The following MTDH variants were observed in gnomAD, a reference collection of about 807,000 sequenced individuals.
The protein encoded by MTDH is protein LYRIC.
Under a neutral mutation model 72.7 loss-of-function variants are expected in MTDH, and 34 were observed. The observed-to-expected ratio is 0.47, with a 90% CI of 0.36 to 0.62. The LOEUF is 0.62. Among genes scored for constraint, MTDH ranks in the 20% least tolerant of loss-of-function variants. The pLI, the probability that MTDH is intolerant of heterozygous loss-of-function variation, is 0.00. For missense variants in MTDH, 677 were observed against 699.4 expected (o/e 0.97, Z 0.36); for synonymous variants, 266 against 268.9 (o/e 0.99, Z 0.10).
At position 97,725,338 on chromosome 8, in the gene MTDH, A is replaced by G. The variant is rs183762776; in HGVS notation, c.*668A>G. The G allele has an allele frequency of 2.9e-3, 440 of 152,718 alleles. 4 individuals carry two copies. The highest frequency in any genetic ancestry group is 0.024 in the South Asian group (114 of 4,828). 9.5% of individuals were successfully genotyped at this position (152,718 alleles called of 1,614,324 possible). On this transcript the variant is annotated 3_prime_UTR_variant, in exon 12 of 12. Coordinates refer to ENST00000336273, the MANE Select transcript of MTDH (RefSeq NM_178812.4). The stretch of plus-strand genomic sequence containing the variant: ...GTCTTACATTACTTGAATTGTTCAA[A>G]GTACAGTATATTTTAAATTAAGAAA...
intron 7 of MTDH, among the ~76,000 whole-genome samples, chr8:97,700,810 A>G (rs1311529406): frequency 2.0e-5 from 3 of 152,186 alleles, no homozygotes; most frequent in East Asian, 1.9e-4. Flanking sequence ...ATACCTTGCT[A>G]GTCTGGCTCT....
chr8:97,654,407 C>T (rs1349366413), intron 1 of MTDH, among the ~76,000 whole-genome samples: 2 of 152,034 alleles, frequency 1.3e-5, no homozygotes, highest in Non-Finnish European at 2.9e-5. Flanking sequence ...ACAAACTTAC[C>T]AAAACTAGGT....
chr8:97,674,275 A>G (rs1046923457), intron 2 of MTDH, among the ~76,000 whole-genome samples: 7 of 152,246 alleles, frequency 4.6e-5, no homozygotes, highest in African/African-American at 1.7e-4. Flanking sequence ...AAATAACAAT[A>G]GTACCAAGTG....
intron 1 of MTDH, among the ~76,000 whole-genome samples, chr8:97,654,298 T>C (rs1240223064): frequency 6.6e-6 from 1 of 152,240 alleles, no homozygotes; most frequent in Admixed American, 6.5e-5. Flanking sequence ...GTAGTTGCTG[T>C]GTGCATAACA....
At chr8:97,715,387 C>T (rs1225310541) in intron 9 of MTDH, among the ~76,000 whole-genome samples, 1 of 152,142 alleles carries the variant, frequency 6.6e-6, no homozygotes, top group Non-Finnish European at 1.5e-5. Context: ...CCTCAGCCTC[C>T]CAAAGTGCTG....
At chr8:97,698,832 C>A (rs985944622) in intron 6 of MTDH, among the ~76,000 whole-genome samples, 4 of 152,162 alleles carry the variant, frequency 2.6e-5, no homozygotes, top group Non-Finnish European at 4.4e-5. Flanking sequence ...AAGGAAAAAA[C>A]AACTTTTTTT....
chr8:97,701,038 C>T (rs114141936), intron 7 of MTDH, among the ~76,000 whole-genome samples: 7 of 152,154 alleles, frequency 4.6e-5, no homozygotes, highest in African/African-American at 1.4e-4. Flanking sequence ...ACAGTAGATA[C>T]GAATTTTAGT....
intron 4 of MTDH, among the ~76,000 whole-genome samples, 181 bp from the exon 5 acceptor site, chr8:97,688,857 A>G (rs1165618441): frequency 6.6e-6 from 1 of 152,234 alleles, no homozygotes; most frequent in Non-Finnish European, 1.5e-5. Flanking sequence ...CAGAAAACTC[A>G]GTTCCTTACC....
intron 2 of MTDH, among the ~76,000 whole-genome samples, chr8:97,682,583 G>C (rs906781650): frequency 6.6e-6 from 1 of 151,732 alleles, no homozygotes; most frequent in East Asian, 1.9e-4. Flanking sequence ...TCACAGGCGT[G>C]AGCCACCGCA....
chr8:97,716,635 C>T (rs567068491), intron 9 of MTDH, among the ~76,000 whole-genome samples: 1 of 152,174 alleles, frequency 6.6e-6, no homozygotes, highest in East Asian at 1.9e-4. Context: ...TGTGCCACTA[C>T]ACTCCAGCCT....
At chr8:97,712,224 G>A (rs1270793297) in intron 8 of MTDH, among the ~76,000 whole-genome samples, 2 of 152,188 alleles carry the variant, frequency 1.3e-5, no homozygotes, top group South Asian at 4.1e-4. Context: ...TTTTAGTAGA[G>A]ATGGGGTTTC....
intron 2 of MTDH, among the ~76,000 whole-genome samples, chr8:97,683,078 T>G (rs1813203915): frequency 7.9e-6 from 1 of 125,806 alleles, no homozygotes; most frequent in Non-Finnish European, 1.6e-5. Flanking sequence ...TTTTTTTTTT[T>G]TTTTGAGATG....
At chr8:97,682,188 T>C (rs1486943954) in intron 2 of MTDH, among the ~76,000 whole-genome samples, 17 of 138,010 alleles carry the variant, frequency 1.2e-4, no homozygotes, top group Non-Finnish European at 2.3e-4. Flanking sequence ...TAAGCTATTA[T>C]TTTATTTAAT....
intron 2 of MTDH, among the ~76,000 whole-genome samples, chr8:97,685,224 A>T (rs1057304953): frequency 2.0e-5 from 3 of 152,188 alleles, no homozygotes; most frequent in African/African-American, 7.2e-5. Context: ...TAGTACATGT[A>T]ATAAAGCAGT....
At chr8:97,686,129 A>G (rs1332842808) in intron 2 of MTDH, among the ~76,000 whole-genome samples, 1 of 152,242 alleles carries the variant, frequency 6.6e-6, no homozygotes, top group African/African-American at 2.4e-5. Flanking sequence ...TATACATAGG[A>G]TACAGCAACA....
At chr8:97,661,398 T>C (rs1812167821) in intron 2 of MTDH, among the ~76,000 whole-genome samples, 1 of 152,188 alleles carries the variant, frequency 6.6e-6, no homozygotes. Context: ...GCTGTGGCAA[T>C]ACTAAATATT....
Position 97,667,801 on chromosome 8 carries a change from G to C in MTDH, c.483+6628G>C, listed in dbSNP as rs142362834. ...GAGCCCATGAGTTCAAGACTAGCCT[G>C]GGCAACATAGCGAGACCCTGTCTCT... is the stretch of plus-strand genomic sequence containing the variant. On this transcript the variant is annotated intron_variant, in intron 2 of 11. Transcript: ENST00000336273. 7.0e-3 allele frequency among the ~76,000 whole-genome samples: 1,018 copies of C among 146,312 alleles called. 16 individuals carry two copies. Among genetic ancestry groups the C allele is most frequent in the African/African-American group, 0.024 (941 of 39,552 alleles).
chr8:97,652,964 C>T (rs1303048321), intron 1 of MTDH, among the ~76,000 whole-genome samples: 2 of 151,820 alleles, frequency 1.3e-5, no homozygotes, highest in African/African-American at 2.4e-5. Context: ...ACTAAAACTA[C>T]AAAAATCAGC....
intron 2 of MTDH, among the ~76,000 whole-genome samples, chr8:97,682,231 TA>T (rs1432559656): frequency 0.048 from 72 of 1,500 alleles, 4 homozygotes; most frequent in African/African-American, 0.14. Flanking sequence ...TTAATTACTT[TA>T]TATATATATA....
Sources: allele counts gnomAD v4.1 joint callset (sites outside exome capture counted in the v4.1 genomes callset), GRCh38; gene constraint gnomAD v4.1.1; transcripts MANE v1.5; gene names NCBI Gene and HGNC (gene_info 2026-07-23, HGNC 2026-07-21).